Variants in PHF10 observed in about 807,000 individuals in gnomAD.
PHF10 encodes PHD finger protein 10.
Under a neutral mutation model 68.5 loss-of-function variants are expected in PHF10, and 51 were observed. That is an observed-to-expected ratio of 0.74 (90% CI 0.59 to 0.94). PHF10 has a LOEUF of 0.94. Ranked by LOEUF, PHF10 falls within the 40% of genes least tolerant of loss-of-function variation. The probability of loss-of-function intolerance (pLI) is 0.00; values close to 1 mark genes in which losing one functional copy is unlikely to be tolerated. For synonymous variants in PHF10, 204 were observed against 203.5 expected (o/e 1.00, Z -0.02); for missense variants, 460 against 602.6 (o/e 0.76, Z 2.48).
chr6:169,708,500 A>G (rs571511426), intron 9 of PHF10: 25 of 152,110 alleles, frequency 1.6e-4, no homozygotes, highest in Admixed American at 3.9e-4. Context: ...AAAGAGGTTA[A>G]CTTTTAATAA....
At chr6:169,714,881 G>T in intron 6 of PHF10, 39 bp from the exon 7 acceptor site, 1 of 1,024,892 alleles carries the variant, frequency 9.8e-7, no homozygotes, top group Non-Finnish European at 1.6e-6. Context: ...CTGATTCCAT[G>T]CTAAGAATCA....
chr6:169,704,132 A>G (rs985373448), intron 11 of PHF10, 44 bp from the exon 12 acceptor site: 2 of 1,445,656 alleles, frequency 1.4e-6, no homozygotes, highest in Non-Finnish European at 1.9e-6. Context: ...TTATCTTTAC[A>G]GGACTGAATT....
rs1213116264 is a variant in PHF10, at chr6:169,721,013, T to C, written c.186A>G (p.Gln62=). The C allele has an allele frequency of 2.0e-6, 3 of 1,530,530 alleles. No individual in the cohort carries two copies. Among genetic ancestry groups the C allele is most frequent in the Admixed American group, 2.0e-5 (1 of 50,908 alleles). 94.8% of individuals were successfully genotyped at this position (1,530,530 alleles called of 1,614,324 possible). A position where few individuals can be genotyped will look rare whatever the true frequency, so the allele number is the denominator to read the frequency against. Residue 62 remains glutamine, a synonymous_variant, in exon 2 of 12, where the codon CAA becomes CAG. Coordinates refer to ENST00000339209, the MANE Select transcript of PHF10 (RefSeq NM_018288.4). ...DSSRSCETSS[Q]DLGFSYYPAE... ...CGATAAAATGACAGTACCCAAGATC[T>C]TGACTTGAAGTTTCACAACTCCTAG...
At position 169,715,734 on chromosome 6, in the gene PHF10, T is replaced by C; in HGVS notation, c.667A>G (p.Arg223Gly). ...TGTGTCTGCAAGTCAAAATAAGCTCTTCTTTCTTCCATGCGTTCCCGGTTT... is the reference window on the plus strand; with the variant it reads ...TGTGTCTGCAAGTCAAAATAAGCTCCTCTTTCTTCCATGCGTTCCCGGTTT... ...NLNRERMEERRAYFDLQTHVI... is the reference protein window; with the variant it reads ...NLNRERMEERGAYFDLQTHVI... The change falls in exon 6 of 12, where the codon AGA becomes GGA. Residue 223 changes from arginine (R) to glycine (G), a missense_variant. Physicochemically the swap from Arg to Gly is moderately radical, Grantham distance 125. This residue lies in a region of PHF10 where 256 missense variants were observed against 410.5 expected (regional missense o/e 0.62). Coordinates refer to ENST00000339209, the MANE Select transcript of PHF10 (RefSeq NM_018288.4). 1 of 1,612,340 alleles carries C rather than the reference T, an allele frequency of 6.2e-7. No homozygotes were observed. The highest frequency in any genetic ancestry group is 2.2e-5 in the East Asian group (1 of 44,882).
At chr6:169,722,504 A>C (rs1322150502) in intron 1 of PHF10, among the ~76,000 whole-genome samples, 1 of 152,228 alleles carries the variant, frequency 6.6e-6, no homozygotes, top group African/African-American at 2.4e-5. Flanking sequence ...ATATACAAAA[A>C]TAAAGTTAAA....
chr6:169,715,591 CA>C (rs201623830), intron 6 of PHF10, 116 bp downstream of exon 6: 59,009 of 908,970 alleles, frequency 0.065, 2,275 homozygotes, highest in East Asian at 0.11. Flanking sequence ...AACAAACAAA[CA>C]AAAAAAACAC....
chr6:169,715,625 A>T (rs1789028869), intron 6 of PHF10, 83 bp downstream of exon 6: 1 of 1,179,132 alleles, frequency 8.5e-7, no homozygotes, highest in African/African-American at 1.5e-5. Flanking sequence ...GGTACAAAAA[A>T]TAACGATAAA....
intron 11 of PHF10, 173 bp downstream of exon 11, chr6:169,704,960 T>C: frequency 2.3e-6 from 1 of 437,592 alleles, no homozygotes. Context: ...TTAGTTGGAA[T>C]TGTCTAGGGA....
rs1789253670 is a variant in PHF10, at chr6:169,723,937, C to T, written c.-6G>A. 3 of 951,890 alleles carry T rather than the reference C, an allele frequency of 3.2e-6. No homozygotes were observed. Among genetic ancestry groups the T allele is most frequent in the Non-Finnish European group, 3.8e-6 (3 of 795,088 alleles). 59.0% of individuals were successfully genotyped at this position (951,890 alleles called of 1,614,324 possible). A position where few individuals can be genotyped will look rare whatever the true frequency, so the allele number is the denominator to read the frequency against. On this transcript the variant is annotated 5_prime_UTR_variant, in exon 1 of 12. Transcript: ENST00000339209. ...GGCCCGGCCGCCGCCGCCATCAGCC[C>T]GAGCGCCCCGCGCCGCCGCCGCCGC...
At chr6:169,717,497 A>G (rs1789077726) in intron 4 of PHF10, among the ~76,000 whole-genome samples, 1 of 152,232 alleles carries the variant, frequency 6.6e-6, no homozygotes, top group African/African-American at 2.4e-5. Context: ...AAAGTGTTGA[A>G]TATGTCATGT....
At chr6:169,705,876 C>T in intron 9 of PHF10, 152 bp from the exon 10 acceptor site, 1 of 622,388 alleles carries the variant, frequency 1.6e-6, no homozygotes, top group South Asian at 1.9e-5. Flanking sequence ...AGTCTGCCTA[C>T]AATGTAAGAC....
At chr6:169,710,743 A>G (rs1352852600) in intron 8 of PHF10, among the ~76,000 whole-genome samples, 2 of 152,178 alleles carry the variant, frequency 1.3e-5, no homozygotes, top group Non-Finnish European at 2.9e-5. Context: ...TTTGTTTCAT[A>G]CAAAAATATA....
At chr6:169,722,337 T>C (rs1384119672) in intron 1 of PHF10, among the ~76,000 whole-genome samples, 1 of 152,366 alleles carries the variant, frequency 6.6e-6, no homozygotes, top group East Asian at 1.9e-4. Context: ...CATAAGTATC[T>C]GCATACAACT....
At chr6:169,712,739 T>C (rs1048706545) in intron 7 of PHF10, among the ~76,000 whole-genome samples, 200 bp from the exon 8 acceptor site, 5 of 152,170 alleles carry the variant, frequency 3.3e-5, no homozygotes, top group Non-Finnish European at 7.3e-5. Flanking sequence ...ATGTAAAATA[T>C]GCATTTGATT....
In PHF10 at chr6:169,704,037, A is replaced by T. The variant is rs757635217; in HGVS notation, c.1463T>A (p.Val488Glu). ...TTTGCTGTTTTTCCCCCTTCTGCCC[A>T]CTTTCCTGGGTGTTGGGGGGGCCCG... Reference protein sequence around the residue: ...CQRAPPTPRKVGRRGKNSKEG With the variant: ...CQRAPPTPRKEGRRGKNSKEG The change falls in exon 12 of 12, where the codon GTG becomes GAG. Residue 488 changes from valine (V) to glutamate (E), a missense_variant. Val to Glu is a moderately radical substitution (Grantham distance 121). This residue lies in a region of PHF10 where 111 missense variants were observed against 109.7 expected (regional missense o/e 1.01). Coordinates refer to ENST00000339209, the MANE Select transcript of PHF10 (RefSeq NM_018288.4). The T allele has an allele frequency of 1.4e-5, 23 of 1,600,770 alleles. No homozygotes were observed. In the East Asian group the frequency reaches 5.0e-4, roughly 35 times the overall value.
intron 7 of PHF10, among the ~76,000 whole-genome samples, chr6:169,714,304 G>A (rs931917038): frequency 2.0e-5 from 3 of 152,206 alleles, no homozygotes; most frequent in African/African-American, 7.2e-5. Flanking sequence ...TGCAGTAAAA[G>A]TCAGTGTTTC....
At chr6:169,718,020 A>T (rs1480180017) in intron 3 of PHF10, 114 bp from the exon 4 acceptor site, 1 of 497,962 alleles carries the variant, frequency 2.0e-6, no homozygotes, top group African/African-American at 2.0e-5. Flanking sequence ...CATATTCCAA[A>T]TATTATTAAA....
intron 2 of PHF10, among the ~76,000 whole-genome samples, chr6:169,720,648 A>G (rs755962119): frequency 7.2e-5 from 11 of 152,312 alleles, no homozygotes; most frequent in Non-Finnish European, 1.6e-4. Context: ...GGCGCTAAAT[A>G]GAGGGAGAAA....
At chr6:169,704,928 A>C (rs939913428) in intron 11 of PHF10, 3 of 422,180 alleles carry the variant, frequency 7.1e-6, no homozygotes, top group Admixed American at 8.4e-5. Context: ...TAGCAGGGGC[A>C]TTCTGGCCTT....
Sources: allele counts gnomAD v4.1 joint callset (sites outside exome capture counted in the v4.1 genomes callset), GRCh38; gene constraint gnomAD v4.1.1; regional missense constraint gnomAD v4.1.1; transcripts MANE v1.5; gene names NCBI Gene and HGNC (gene_info 2026-07-23, HGNC 2026-07-21).